The following KIF13A variants were observed in gnomAD, a reference collection of about 807,000 sequenced individuals.
KIF13A encodes the protein kinesin family member 13A.
A neutral mutation model predicts 212.2 loss-of-function variants in KIF13A; 79 were observed. That is an observed-to-expected ratio of 0.37 (90% confidence interval 0.31 to 0.45). The LOEUF (loss-of-function observed/expected upper bound fraction) is 0.45, where lower values mean the gene tolerates loss of function less well. Ranked by LOEUF, KIF13A falls within the 20% of genes least tolerant of loss-of-function variation. The probability of loss-of-function intolerance (pLI) is 1.00; values close to 1 mark genes in which losing one functional copy is unlikely to be tolerated. For missense variants in KIF13A, 1,901 were observed against 2,209.0 expected (o/e 0.86, Z 2.79); for synonymous variants, 789 against 808.6 (o/e 0.98, Z 0.41).
rs553678599 is a variant in KIF13A, at chr6:17,804,607, G to T, written c.2305-97C>A. On this transcript the variant is annotated intron_variant, in intron 19 of 38. Coordinates refer to ENST00000259711, the MANE Select transcript of KIF13A (RefSeq NM_022113.6). ...ACTAGCATTTGAAAAAAAATTTAAA[G>T]AATCTATCCATTTAAACAGCAAGTA... is the stretch of plus-strand genomic sequence containing the variant. The T allele has an allele frequency of 9.7e-5, 114 of 1,169,870 alleles. No homozygotes were observed. The African/African-American group carries it at 1.5e-3, about 16-fold the overall frequency. The allele number at this position is 1,169,870 out of a possible 1,614,324, so 72.5% of individuals were successfully genotyped here. A position where few individuals can be genotyped will look rare whatever the true frequency, so the allele number is the denominator to read the frequency against.
chr6:17,782,513 G>A (rs1760691830), intron 29 of KIF13A, among the ~76,000 whole-genome samples: 1 of 151,896 alleles, frequency 6.6e-6, no homozygotes, highest in Admixed American at 6.6e-5. Flanking sequence ...GTGGGTGCCT[G>A]TAATCCCAGC....
At chr6:17,909,927 A>C (rs1214630341) in intron 2 of KIF13A, among the ~76,000 whole-genome samples, 1 of 152,198 alleles carries the variant, frequency 6.6e-6, no homozygotes, top group African/African-American at 2.4e-5. Context: ...AAACTCTGGA[A>C]AGAATTATAT....
intron 2 of KIF13A, among the ~76,000 whole-genome samples, chr6:17,943,191 T>C (rs1324467864): frequency 6.6e-6 from 1 of 152,156 alleles, no homozygotes; most frequent in Non-Finnish European, 1.5e-5. Context: ...CTATGTAAAC[T>C]ACACCATGAT....
Position 17,971,587 on chromosome 6 carries a change from G to A in KIF13A, c.146+15467C>T, listed in dbSNP as rs996133924. Among the ~76,000 whole-genome samples the A allele has an allele frequency of 1.3e-5, 2 of 151,810 alleles. No individual in the cohort carries two copies. The highest frequency in any genetic ancestry group is 6.6e-5 in the Admixed American group (1 of 15,198). ...CAAGTGAGCACTACTACCACACCCA[G>A]CTAATTTTTCTATTTTTTGTAGAGA... On this transcript the variant is annotated intron_variant, in intron 2 of 38. Transcript: ENST00000259711. This position sits in a 1 kb window ranked among gnomAD's most constrained non-coding sequence, Gnocchi z 4.2.
At chr6:17,962,951 G>A (rs1778967805) in intron 2 of KIF13A, among the ~76,000 whole-genome samples, 1 of 152,164 alleles carries the variant, frequency 6.6e-6, no homozygotes, top group Non-Finnish European at 1.5e-5. Context: ...GATTCAGCCC[G>A]TTAGACTCAG....
intron 16 of KIF13A, among the ~76,000 whole-genome samples, chr6:17,817,726 A>C (rs997626824): frequency 2.6e-5 from 4 of 152,206 alleles, no homozygotes; most frequent in Admixed American, 2.6e-4. Context: ...GAATTTCTCT[A>C]AGTGGGAGGA....
In KIF13A at chr6:17,900,661, T is replaced by G. The variant is rs1198129328; in HGVS notation, c.147-2481A>C. ...TGTAGTGCATCATCACTGTACTTCA[T>G]TCATTGATACATCCTCTACTTCATT... On this transcript the variant is annotated intron_variant, in intron 2 of 38. Coordinates refer to ENST00000259711, the MANE Select transcript of KIF13A (RefSeq NM_022113.6). This position sits in a 1 kb window ranked among gnomAD's most constrained non-coding sequence, Gnocchi z 4.6. 1.3e-5 allele frequency among the ~76,000 whole-genome samples: 2 copies of G among 152,236 alleles called. No homozygotes were observed. Among genetic ancestry groups the G allele is most frequent in the Non-Finnish European group, 2.9e-5 (2 of 68,046 alleles).
At position 17,850,878 on chromosome 6, in the gene KIF13A, T is replaced by C. The variant is rs1175803488; in HGVS notation, c.583-421A>G. 6.6e-6 allele frequency among the ~76,000 whole-genome samples: 1 copy of C among 152,224 alleles called. No individual in the cohort carries two copies. The highest frequency in any genetic ancestry group is 1.5e-5 in the Non-Finnish European group (1 of 68,032). On this transcript the variant is annotated intron_variant, in intron 7 of 38. Transcript: ENST00000259711. This position sits in a 1 kb window ranked among gnomAD's most constrained non-coding sequence, Gnocchi z 6.2. ...CCCTGATGGCAGGGTTTTTTCCTTATTCCACTTTGTACACTTGCTCCTAGA... is the reference window on the plus strand; with the variant it reads ...CCCTGATGGCAGGGTTTTTTCCTTACTCCACTTTGTACACTTGCTCCTAGA...
At chr6:17,955,850 C>T (rs1026616037) in intron 2 of KIF13A, among the ~76,000 whole-genome samples, 6 of 152,178 alleles carry the variant, frequency 3.9e-5, no homozygotes, top group African/African-American at 1.4e-4. Context: ...GTTCACACAT[C>T]TACATTTTTG....
chr6:17,817,226 A>G lies in KIF13A; in HGVS notation c.1794T>C (p.Val598=). The G allele has an allele frequency of 6.2e-7, 1 of 1,613,946 alleles. No homozygotes were observed. The change falls in exon 17 of 39, where the codon GTT becomes GTC. Residue 598 remains valine (V), a synonymous_variant. Transcript: ENST00000259711. ...TCTCCAGGACCTGAACCACATTTTGAACTGGGTCTAGTGAGCCAAGAGACA... is the reference window on the plus strand; with the variant it reads ...TCTCCAGGACCTGAACCACATTTTGGACTGGGTCTAGTGAGCCAAGAGACA... ...IMKTLNSNDP[V]QNVVQVLEKQ...
chr6:17,791,770 C>A (rs537395587), intron 25 of KIF13A, among the ~76,000 whole-genome samples: 2 of 150,388 alleles, frequency 1.3e-5, no homozygotes, highest in African/African-American at 4.9e-5. Context: ...TGTGGTGGTG[C>A]GGGCCTGTAA....
Position 17,856,159 on chromosome 6 carries a change from G to C in KIF13A, c.221-37C>G. On this transcript the variant is annotated intron_variant, in intron 4 of 38. Coordinates refer to ENST00000259711, the MANE Select transcript of KIF13A (RefSeq NM_022113.6). The surrounding 1 kb of genome is among the most constrained non-coding windows in gnomAD (Gnocchi z 4.5). ...GACAAATATTAAAAACTAATAAAAA[G>C]AATAATTTTTCTTGACATATTTGTG... is the stretch of plus-strand genomic sequence containing the variant. The C allele has an allele frequency of 7.4e-7, 1 of 1,359,534 alleles. No homozygotes were observed. The allele number at this position is 1,359,534 out of a possible 1,614,324, so 84.2% of individuals were successfully genotyped here.
At chr6:17,983,501 T>C (rs1257166475) in intron 2 of KIF13A, among the ~76,000 whole-genome samples, 1 of 151,074 alleles carries the variant, frequency 6.6e-6, no homozygotes, top group Non-Finnish European at 1.5e-5. Context: ...CTGCTTTTTT[T>C]TTTTTTTTTG....
intron 4 of KIF13A, among the ~76,000 whole-genome samples, chr6:17,860,611 C>T (rs1344354877): frequency 6.6e-6 from 1 of 151,910 alleles, no homozygotes; most frequent in Non-Finnish European, 1.5e-5. Context: ...TGTGTTGATA[C>T]TGCTGTTTTC....
chr6:17,938,350 C>T (rs6459581), intron 2 of KIF13A, among the ~76,000 whole-genome samples: 108,545 of 152,120 alleles, frequency 0.71, 39,399 homozygotes, highest in South Asian at 0.83. Context: ...GAAACAAGCA[C>T]ACACAAAACA....
rs899715530 is a variant in KIF13A at position 17,829,208 on chromosome 6, A to G, written c.1402-838T>C. On this transcript the variant is annotated intron_variant, in intron 13 of 38. Transcript: ENST00000259711. This position sits in a 1 kb window ranked among gnomAD's most constrained non-coding sequence, Gnocchi z 5.4. ...GTGATCCGCCCGCCTTGGTCTCCCA[A>G]AGTTCTGGGATTACTGGCGTGAGAC... Among the ~76,000 whole-genome samples, 2 of 152,186 alleles carry G rather than the reference A, an allele frequency of 1.3e-5. No individual in the cohort carries two copies. The highest frequency in any genetic ancestry group is 4.8e-5 in the African/African-American group (2 of 41,442).
chr6:17,979,164 A>T (rs1474709585), intron 2 of KIF13A, among the ~76,000 whole-genome samples: 1 of 152,154 alleles, frequency 6.6e-6, no homozygotes, highest in African/African-American at 2.4e-5. Flanking sequence ...GTGGTGGTGC[A>T]CACCTGTAGT....
intron 7 of KIF13A, among the ~76,000 whole-genome samples, chr6:17,851,356 A>G (rs1397560960): frequency 6.6e-6 from 1 of 152,158 alleles, no homozygotes; most frequent in Non-Finnish European, 1.5e-5. Flanking sequence ...AAGTGCAGGG[A>G]TTTGCTTGTT....
In KIF13A at chr6:17,984,248, A is replaced by T. The variant is rs1781356801; in HGVS notation, c.146+2806T>A. ...TTTCCTCTCTCTCCTCCTTCTCTCCAAGGTGAGTGACTCTGGTGTAGGTAC... is the reference window on the plus strand; with the variant it reads ...TTTCCTCTCTCTCCTCCTTCTCTCCTAGGTGAGTGACTCTGGTGTAGGTAC... On this transcript the variant is annotated intron_variant, in intron 2 of 38. Coordinates refer to ENST00000259711, the MANE Select transcript of KIF13A (RefSeq NM_022113.6). This position sits in a 1 kb window ranked among gnomAD's most constrained non-coding sequence, Gnocchi z 5.0. Among the ~76,000 whole-genome samples, 1 of 152,216 alleles carries T rather than the reference A, an allele frequency of 6.6e-6. No homozygotes were observed. Among genetic ancestry groups the T allele is most frequent in the Admixed American group, 6.5e-5 (1 of 15,278 alleles).
Sources: allele counts gnomAD v4.1 joint callset (sites outside exome capture counted in the v4.1 genomes callset), GRCh38; gene constraint gnomAD v4.1.1; non-coding constraint Gnocchi (gnomAD v3.1); transcripts MANE v1.5; gene names NCBI Gene and HGNC (gene_info 2026-07-23, HGNC 2026-07-21).